N4BP1: variants seen among roughly 807,000 people sequenced by gnomAD.
The protein encoded by N4BP1 is NEDD4 binding protein 1.
In N4BP1, 21 loss-of-function variants were observed where a neutral mutation model predicts 70.9. The observed-to-expected ratio is 0.30, with a 90% CI of 0.21 to 0.43. The LOEUF is 0.43. Among genes scored for constraint, N4BP1 ranks in the 20% least tolerant of loss-of-function variants. The probability of loss-of-function intolerance (pLI) is 1.00; values close to 1 mark genes in which losing one functional copy is unlikely to be tolerated. For synonymous variants in N4BP1, 387 were observed against 394.6 expected, an observed-to-expected ratio of 0.98 and a Z score of 0.23; for missense variants, 936 against 1,069.4, an observed-to-expected ratio of 0.88 and a Z score of 1.74.
chr16:48,571,606 C>T (rs1468382521), intron 1 of N4BP1, among the ~76,000 whole-genome samples: 1 of 151,050 alleles, frequency 6.6e-6, no homozygotes, highest in African/African-American at 2.4e-5. Flanking sequence ...ACCCACAGAA[C>T]AGGAATCAGG....
At chr16:48,590,897 G>A (rs1597109645) in intron 1 of N4BP1, among the ~76,000 whole-genome samples, 1 of 146,396 alleles carries the variant, frequency 6.8e-6, no homozygotes, top group South Asian at 2.6e-4. Flanking sequence ...AAGAGTCTTA[G>A]TTAGGAAGAC....
rs777783088 is a variant in N4BP1, at chr16:48,581,991, A to C, written c.199-19547T>G. 2.7e-3 allele frequency among the ~76,000 whole-genome samples: 408 copies of C among 152,344 alleles called. 3 individuals are homozygous for C. The highest frequency in any genetic ancestry group is 5.0e-3 in the Non-Finnish European group (343 of 68,018). On this transcript the variant is annotated intron_variant, in intron 1 of 6. Transcript: ENST00000262384. ...TCAAATAAAAACCTCTGGACAAGCA[A>C]GAAGCCAATCAACAGAGATTACCTA...
intron 2 of N4BP1, 58 bp downstream of exon 2, chr16:48,560,696 C>T: frequency 6.5e-7 from 1 of 1,536,678 alleles, no homozygotes; most frequent in Non-Finnish European, 8.7e-7. Flanking sequence ...ACATGTGATT[C>T]TGAGACACCA....
In N4BP1 at chr16:48,543,155, G is replaced by A. The variant is rs772941241; in HGVS notation, c.2440C>T (p.Arg814Trp). ...AASTSHQPPTRIQGAPSSHWL... is the reference protein window; with the variant it reads ...AASTSHQPPTWIQGAPSSHWL... Reference sequence around the variant, plus strand: ...TGGCTTGAAGGGGCTCCCTGAATCCGGGTCGGAGGCTGGTGGCTGGTGCTG... The same window carrying A: ...TGGCTTGAAGGGGCTCCCTGAATCCAGGTCGGAGGCTGGTGGCTGGTGCTG... The change falls in exon 7 of 7, where the codon CGG becomes TGG. Residue 814 changes from arginine to tryptophan, a missense_variant. Physicochemically the swap from Arg to Trp is moderately radical, Grantham distance 101. This residue lies in a region of N4BP1 where 229 missense variants were observed against 343.5 expected (regional missense o/e 0.67). Coordinates refer to ENST00000262384, the MANE Select transcript of N4BP1 (RefSeq NM_153029.4). The A allele has an allele frequency of 7.5e-6, 12 of 1,603,470 alleles. No individual in the cohort carries two copies. Among genetic ancestry groups the A allele is most frequent in the Non-Finnish European group, 1.0e-5 (12 of 1,171,896 alleles).
At chr16:48,583,968 T>C (rs916535039) in intron 1 of N4BP1, among the ~76,000 whole-genome samples, 1 of 152,220 alleles carries the variant, frequency 6.6e-6, no homozygotes, top group Admixed American at 6.5e-5. Flanking sequence ...AGAATGTTAC[T>C]TCTGCTGTTT....
chr16:48,561,476 T>G lies in N4BP1; in HGVS notation c.1167A>C (p.Lys389Asn). Residue 389 changes from lysine (K) to asparagine (N), a missense_variant, in exon 2 of 7, where the codon AAA (lysine) becomes AAC (asparagine). Physicochemically the swap from Lys to Asn is moderately conservative, Grantham distance 94. Coordinates refer to ENST00000262384, the MANE Select transcript of N4BP1 (RefSeq NM_153029.4). ...LLLEEIEKEN[K>N]RFQEDREFSA... is the part of the protein sequence containing the mutation. ...AAAATTCTCTGTCTTCTTGGAATCT[T>G]TTATTTTCTTTTTCAATTTCCTCTA... 6.2e-7 allele frequency: 1 copy of G among 1,611,626 alleles called. No individual in the cohort carries two copies. Among genetic ancestry groups the G allele is most frequent in the East Asian group, 2.2e-5 (1 of 44,860 alleles).
chr16:48,602,796 A>AAAT (rs1964521935), intron 1 of N4BP1, among the ~76,000 whole-genome samples: 1 of 146,680 alleles, frequency 6.8e-6, no homozygotes, highest in African/African-American at 2.5e-5. Context: ...ATAAAAAATA[A>AAAT]AAATAAATAA....
At chr16:48,601,241 T>C (rs536768198) in intron 1 of N4BP1, among the ~76,000 whole-genome samples, 1 of 152,350 alleles carries the variant, frequency 6.6e-6, no homozygotes, top group African/African-American at 2.4e-5. Context: ...AATCTTTGCA[T>C]GGACTGTCGC....
chr16:48,587,448 T>C (rs1192424930), intron 1 of N4BP1: 1 of 152,218 alleles, frequency 6.6e-6, no homozygotes, highest in African/African-American at 2.4e-5. Flanking sequence ...CTATTTTCTC[T>C]CAGGTATAGG....
chr16:48,579,910 A>G (rs992800061), intron 1 of N4BP1, among the ~76,000 whole-genome samples: 1 of 152,110 alleles, frequency 6.6e-6, no homozygotes, highest in East Asian at 1.9e-4. Flanking sequence ...GCATGACAGT[A>G]TAACAACTAT....
intron 1 of N4BP1, among the ~76,000 whole-genome samples, chr16:48,595,537 C>G (rs969210857): frequency 2.7e-5 from 4 of 149,716 alleles, no homozygotes; most frequent in Admixed American, 1.3e-4. Flanking sequence ...AAAGTACATT[C>G]TTGTAAACAA....
Position 48,592,570 on chromosome 16 carries a change from C to G in N4BP1, c.198+17205G>C, listed in dbSNP as rs949995973. ...TGTGTGATGTTTATATAAAAGAGCT[C>G]TAATTAACTAGCTTAAAGAAAAATA... is the stretch of plus-strand genomic sequence containing the variant. On this transcript the variant is annotated intron_variant, in intron 1 of 6. Coordinates refer to ENST00000262384, the MANE Select transcript of N4BP1 (RefSeq NM_153029.4). 2.6e-5 allele frequency among the ~76,000 whole-genome samples: 4 copies of G among 152,154 alleles called. No homozygotes were observed. The East Asian group carries it at 7.7e-4, about 29-fold the overall frequency.
At chr16:48,583,136 T>A (rs1032383804) in intron 1 of N4BP1, among the ~76,000 whole-genome samples, 2 of 152,128 alleles carry the variant, frequency 1.3e-5, no homozygotes, top group African/African-American at 4.8e-5. Flanking sequence ...TTATATATAG[T>A]CATCCCTTGG....
chr16:48,606,433 T>C (rs1964583610), intron 1 of N4BP1, among the ~76,000 whole-genome samples: 1 of 152,230 alleles, frequency 6.6e-6, no homozygotes, highest in South Asian at 2.1e-4. Flanking sequence ...AGCCTTCATC[T>C]TTCCCAGGAG....
At chr16:48,576,188 T>A (rs939020051) in intron 1 of N4BP1, among the ~76,000 whole-genome samples, 2 of 152,224 alleles carry the variant, frequency 1.3e-5, no homozygotes, top group African/African-American at 4.8e-5. Context: ...AACAAATTTT[T>A]AATCATTAAT....
At chr16:48,571,686 G>A (rs901156390) in intron 1 of N4BP1, among the ~76,000 whole-genome samples, 2 of 151,982 alleles carry the variant, frequency 1.3e-5, no homozygotes, top group African/African-American at 2.4e-5. Flanking sequence ...AGAAATGTGG[G>A]CAAATTAAGA....
At chr16:48,588,791 C>A (rs1433761788) in intron 1 of N4BP1, among the ~76,000 whole-genome samples, 2 of 152,140 alleles carry the variant, frequency 1.3e-5, no homozygotes, top group Non-Finnish European at 2.9e-5. Context: ...GTAGTGGCTA[C>A]CATACTGGTT....
At chr16:48,547,095 A>G (rs1333761693) in intron 5 of N4BP1, among the ~76,000 whole-genome samples, 2 of 152,248 alleles carry the variant, frequency 1.3e-5, no homozygotes, top group African/African-American at 4.8e-5. Flanking sequence ...CATAACACAG[A>G]ATCTTTTTCT....
chr16:48,546,318 A>G (rs1963592120), intron 5 of N4BP1, 64 bp from the exon 6 acceptor site: 2 of 1,159,962 alleles, frequency 1.7e-6, no homozygotes, highest in Non-Finnish European at 1.2e-6. Flanking sequence ...CTGCGTAAGG[A>G]TCCCAAAGCA....
Sources: gnomAD v4.1 joint callset for allele counts (sites outside exome capture counted in the v4.1 genomes callset) on GRCh38, gnomAD v4.1.1 for gene constraint, gnomAD v4.1.1 regional missense constraint, MANE v1.5 for transcripts, NCBI Gene and HGNC (gene_info 2026-07-23, HGNC 2026-07-21) for gene names.